Variants in PREX2 observed in about 807,000 individuals in gnomAD.
PREX2 encodes the protein phosphatidylinositol 3,4,5-trisphosphate-dependent Rac exchanger 2 protein.
In PREX2, 107 loss-of-function variants were observed where a neutral mutation model predicts 203.2. The observed-to-expected ratio is 0.53, with a 90% CI of 0.45 to 0.62. The LOEUF (loss-of-function observed/expected upper bound fraction) is 0.62, where lower values mean the gene tolerates loss of function less well. PREX2 is among the 20% of genes least tolerant of loss of function. PREX2 has a pLI of 0.00. For synonymous variants in PREX2, 672 were observed against 663.6 expected, an observed-to-expected ratio of 1.01 and a Z score of -0.19; for missense variants, 1,777 against 1,955.9, an observed-to-expected ratio of 0.91 and a Z score of 1.72.
intron 39 of PREX2, among the ~76,000 whole-genome samples, chr8:68,226,822 G>C (rs1199417038): frequency 6.6e-6 from 1 of 152,160 alleles, no homozygotes; most frequent in Non-Finnish European, 1.5e-5. Flanking sequence ...ACACAGAGAA[G>C]GGACATAATG....
chr8:68,038,222 T>A lies in PREX2; in HGVS notation c.769T>A (p.Ser257Thr). 6.2e-7 allele frequency: 1 copy of A among 1,613,634 alleles called. No individual in the cohort carries two copies. The highest frequency in any genetic ancestry group is 8.5e-7 in the Non-Finnish European group (1 of 1,179,592). The change falls in exon 7 of 40, where the codon TCT becomes ACT. Residue 257 changes from serine to threonine, a missense_variant. By Grantham distance (58) the Ser-to-Thr change is moderately conservative. Coordinates refer to ENST00000288368, the MANE Select transcript of PREX2 (RefSeq NM_024870.4). ...GTGTGGAGTCTTACTGAAAATTTCT[T>A]CTGGAAATATTCAAGAACGGGTGTT... ...LMCGVLLKISSGNIQERVFFL... is the reference protein window; with the variant it reads ...LMCGVLLKISTGNIQERVFFL...
At chr8:68,037,297 G>A (rs112786380) in intron 6 of PREX2, among the ~76,000 whole-genome samples, 2,747 of 152,174 alleles carry the variant, frequency 0.018, 73 homozygotes, top group African/African-American at 0.063. Context: ...TATGGAAAAC[G>A]TCCTTTTTCA....
chr8:68,040,351 T>TTA (rs1429303479), intron 7 of PREX2, among the ~76,000 whole-genome samples: 19 of 152,074 alleles, frequency 1.2e-4, no homozygotes, highest in Non-Finnish European at 1.2e-4. Context: ...TTCACACTCC[T>TTA]TACCCTAGTT....
intron 8 of PREX2, among the ~76,000 whole-genome samples, chr8:68,049,281 T>G (rs1808452963): frequency 1.3e-5 from 2 of 151,964 alleles, no homozygotes; most frequent in Admixed American, 1.3e-4. Flanking sequence ...CCTTAGAAAT[T>G]TATGCATCCA....
At chr8:68,210,731 A>C (rs1812727198) in intron 37 of PREX2, among the ~76,000 whole-genome samples, 1 of 152,158 alleles carries the variant, frequency 6.6e-6, no homozygotes, top group Non-Finnish European at 1.5e-5. Flanking sequence ...TGAAATATAG[A>C]AGTGATTTTA....
chr8:67,978,421 A>G (rs73256072), intron 1 of PREX2, among the ~76,000 whole-genome samples: 3,483 of 152,176 alleles, frequency 0.023, 125 homozygotes, highest in African/African-American at 0.077. Context: ...CCAGCACCAT[A>G]GATTGTTTTG....
At chr8:68,154,233 T>C (rs1811497628) in intron 34 of PREX2, among the ~76,000 whole-genome samples, 1 of 152,256 alleles carries the variant, frequency 6.6e-6, no homozygotes, top group Non-Finnish European at 1.5e-5. Flanking sequence ...CAGTATCTCT[T>C]TGGAATTAAA....
At chr8:68,178,434 A>C (rs954889820) in intron 35 of PREX2, among the ~76,000 whole-genome samples, 2 of 150,854 alleles carry the variant, frequency 1.3e-5, no homozygotes, top group East Asian at 1.9e-4. Context: ...TTTGAGAACT[A>C]TCTGTTCATG....
At chr8:68,218,350 C>T (rs1812886008) in intron 38 of PREX2, among the ~76,000 whole-genome samples, 1 of 151,986 alleles carries the variant, frequency 6.6e-6, no homozygotes, top group Non-Finnish European at 1.5e-5. Context: ...AGTTTTTACC[C>T]CTTAAAGTTA....
At chr8:68,002,536 C>T (rs1048345567) in intron 1 of PREX2, among the ~76,000 whole-genome samples, 7 of 152,092 alleles carry the variant, frequency 4.6e-5, no homozygotes, top group Admixed American at 2.0e-4. Context: ...CTAATAGAAG[C>T]GTTCAGTGTA....
At chr8:68,205,265 A>G (rs964420234) in intron 37 of PREX2, among the ~76,000 whole-genome samples, 3 of 152,250 alleles carry the variant, frequency 2.0e-5, no homozygotes, top group Admixed American at 6.5e-5. Context: ...TTTAGATAAG[A>G]GAACTTGTTG....
chr8:67,965,652 C>A (rs1465069359), intron 1 of PREX2, among the ~76,000 whole-genome samples: 1 of 151,962 alleles, frequency 6.6e-6, no homozygotes. Context: ...TAAATGAATC[C>A]ATTGTTAAAA....
chr8:68,188,379 T>C (rs1812231083), intron 35 of PREX2, among the ~76,000 whole-genome samples: 2 of 152,228 alleles, frequency 1.3e-5, no homozygotes, highest in East Asian at 1.9e-4. Flanking sequence ...CCAAAGCACA[T>C]GAGGAAACCT....
chr8:68,211,448 A>G (rs761285338), intron 37 of PREX2, among the ~76,000 whole-genome samples: 6 of 152,224 alleles, frequency 3.9e-5, no homozygotes, highest in African/African-American at 9.6e-5. Context: ...CTTGTGTTCC[A>G]TAAGTTTTTC....
intron 23 of PREX2, among the ~76,000 whole-genome samples, chr8:68,107,304 G>A (rs1448697787): frequency 6.6e-6 from 1 of 152,084 alleles, no homozygotes; most frequent in African/African-American, 2.4e-5. Context: ...GACGAACTAA[G>A]TGAGGGCCAG....
At chr8:67,978,211 C>G (rs1806164470) in intron 1 of PREX2, among the ~76,000 whole-genome samples, 1 of 152,122 alleles carries the variant, frequency 6.6e-6, no homozygotes, top group South Asian at 2.1e-4. Context: ...TCCTCTCCCC[C>G]CGCACATACA....
At chr8:68,056,101 G>A (rs1808670936) in intron 10 of PREX2, 127 bp downstream of exon 10, 2 of 880,116 alleles carry the variant, frequency 2.3e-6, no homozygotes, top group Admixed American at 5.1e-5. Context: ...CTTTACAGTT[G>A]CCATTTCCTG....
chr8:68,023,761 T>C (rs771292390), intron 4 of PREX2, among the ~76,000 whole-genome samples: 1 of 152,258 alleles, frequency 6.6e-6, no homozygotes, highest in South Asian at 2.1e-4. Flanking sequence ...AATTATCTTA[T>C]GGCATTTTAA....
intron 20 of PREX2, among the ~76,000 whole-genome samples, chr8:68,092,747 A>G (rs1036819038): frequency 3.3e-5 from 5 of 152,170 alleles, no homozygotes; most frequent in African/African-American, 9.7e-5. Flanking sequence ...CTATTAGGGG[A>G]ACATGTAAAT....
Sources: allele counts gnomAD v4.1 joint callset (sites outside exome capture counted in the v4.1 genomes callset), GRCh38; gene constraint gnomAD v4.1.1; transcripts MANE v1.5; gene names NCBI Gene and HGNC (gene_info 2026-07-23, HGNC 2026-07-21).